GALNT18: variants seen among roughly 807,000 people sequenced by gnomAD.
GALNT18 encodes the protein polypeptide N-acetylgalactosaminyltransferase 18.
In GALNT18, 44 loss-of-function variants were observed where a neutral mutation model predicts 69.5. That is an observed-to-expected ratio of 0.63 (90% CI 0.50 to 0.81). The LOEUF (loss-of-function observed/expected upper bound fraction) is 0.81, where lower values mean the gene tolerates loss of function less well. Ranked by LOEUF, GALNT18 falls within the 40% of genes least tolerant of loss-of-function variation. The pLI is 0.00. For missense variants in GALNT18, 715 were observed against 810.0 expected (o/e 0.88, Z 1.42); for synonymous variants, 364 against 318.2 (o/e 1.14, Z -1.53).
At chr11:11,321,759 T>A (rs576956624) in intron 9 of GALNT18, among the ~76,000 whole-genome samples, 3 of 152,210 alleles carry the variant, frequency 2.0e-5, no homozygotes, top group Middle Eastern at 3.2e-3. Flanking sequence ...TGTGCCAACA[T>A]GCCTGGCTAA....
At chr11:11,575,984 AATTTCGCAGAAGAAACTGGTT>A (rs1858915908) in intron 1 of GALNT18, among the ~76,000 whole-genome samples, 1 of 152,216 alleles carries the variant, frequency 6.6e-6, no homozygotes, top group South Asian at 2.1e-4. Context: ...CCTGATCCCC[AATTTCGCAGAAGAAACTGGTT>A]CAGAGAGGTG....
At chr11:11,443,837 C>T (rs1395432601) in intron 2 of GALNT18, among the ~76,000 whole-genome samples, 1 of 152,226 alleles carries the variant, frequency 6.6e-6, no homozygotes, top group African/African-American at 2.4e-5. Flanking sequence ...GTCTGCCCTA[C>T]TGCTGCTACA....
In GALNT18 at chr11:11,418,790, C is replaced by T. The variant is rs982679988; in HGVS notation, c.595+13831G>A. 2.0e-5 allele frequency among the ~76,000 whole-genome samples: 3 copies of T among 152,256 alleles called. No homozygotes were observed. The South Asian group carries it at 6.2e-4, about 32-fold the overall frequency. On this transcript the variant is annotated intron_variant, in intron 3 of 10. Transcript: ENST00000227756. ...TGAGTCCAGCTAGCAAAGCACTGGA[C>T]CAGGGTTGGTCTCTAGGCATTGCCA...
Position 11,340,885 on chromosome 11 carries a change from C to A in GALNT18, c.1212G>T (p.Arg404Ser). ...LTAHVRRNAL[R>S]VAEVWMDEFK... ...ATTCATCCATCCAGACTTCAGCCAC[C>A]CTGAGAGCGTTCCTGCGGACATGGG... is the stretch of plus-strand genomic sequence containing the variant. The change falls in exon 7 of 11, where the codon AGG (arginine) becomes AGT (serine). Residue 404 changes from arginine to serine, a missense_variant. Transcript: ENST00000227756. The surrounding 1 kb of genome is among the most constrained non-coding windows in gnomAD (Gnocchi z 4.2). The A allele has an allele frequency of 6.2e-7, 1 of 1,614,084 alleles. No homozygotes were observed. Among genetic ancestry groups the A allele is most frequent in the Non-Finnish European group, 8.5e-7 (1 of 1,179,972 alleles).
chr11:11,547,910 C>T (rs1305237918), intron 1 of GALNT18, among the ~76,000 whole-genome samples: 2 of 152,174 alleles, frequency 1.3e-5, no homozygotes, highest in Non-Finnish European at 2.9e-5. Flanking sequence ...GTACCATGCT[C>T]CTTCAAACTG....
intron 3 of GALNT18, among the ~76,000 whole-genome samples, chr11:11,408,994 A>C (rs924908496): frequency 6.6e-6 from 1 of 151,868 alleles, no homozygotes; most frequent in South Asian, 2.1e-4. Context: ...CTAATCACCA[A>C]CTCCTCCAAC....
rs1224416814 is a variant in GALNT18 at position 11,356,967 on chromosome 11, G to A, written c.1092+15548C>T. 2.0e-5 allele frequency among the ~76,000 whole-genome samples: 3 copies of A among 152,022 alleles called. No homozygotes were observed. The highest frequency in any genetic ancestry group is 4.2e-4 in the South Asian group (2 of 4,806). On this transcript the variant is annotated intron_variant, in intron 6 of 10. Coordinates refer to ENST00000227756, the MANE Select transcript of GALNT18 (RefSeq NM_198516.3). This position sits in a 1 kb window ranked among gnomAD's most constrained non-coding sequence, Gnocchi z 4.4. ...TTGTAATTGCAAAGAGTCACTCCACGGCTGGCTGGTGTGCTAGGGGATAAC... is the reference window on the plus strand; with the variant it reads ...TTGTAATTGCAAAGAGTCACTCCACAGCTGGCTGGTGTGCTAGGGGATAAC...
Position 11,604,483 on chromosome 11 carries a change from C to T in GALNT18, c.235+16876G>A, listed in dbSNP as rs1410331343. Among the ~76,000 whole-genome samples the T allele has an allele frequency of 1.3e-5, 2 of 152,160 alleles. No homozygotes were observed. Among genetic ancestry groups the T allele is most frequent in the East Asian group, 3.9e-4 (2 of 5,184 alleles). On this transcript the variant is annotated intron_variant, in intron 1 of 10. Coordinates refer to ENST00000227756, the MANE Select transcript of GALNT18 (RefSeq NM_198516.3). The surrounding 1 kb of genome is among the most constrained non-coding windows in gnomAD (Gnocchi z 5.6). ...CTACATCCAGCCCTAGACACCCAGGCAGCTTCTGGCAACACCAGTAAGAGG... is the reference window on the plus strand; with the variant it reads ...CTACATCCAGCCCTAGACACCCAGGTAGCTTCTGGCAACACCAGTAAGAGG...
Position 11,306,154 on chromosome 11 carries a change from G to A in GALNT18, c.1513-12961C>T, listed in dbSNP as rs192386528. Among the ~76,000 whole-genome samples, 216 of 152,216 alleles carry A rather than the reference G, an allele frequency of 1.4e-3. 1 individual carries two copies. The highest frequency in any genetic ancestry group is 6.8e-3 in the Middle Eastern group (2 of 294). Reference sequence around the variant, plus strand: ...CTTTTTAGCATACAACAGTTATTCTGCACAGCATTAAGCAGAGCTTAGAAT... The same window carrying A: ...CTTTTTAGCATACAACAGTTATTCTACACAGCATTAAGCAGAGCTTAGAAT... On this transcript the variant is annotated intron_variant, in intron 9 of 10. Transcript: ENST00000227756.
intron 6 of GALNT18, among the ~76,000 whole-genome samples, chr11:11,357,470 C>G (rs1850555062): frequency 6.6e-6 from 1 of 152,202 alleles, no homozygotes; most frequent in South Asian, 2.1e-4. Flanking sequence ...CAATCTCCAC[C>G]CACTCCCTCC....
At chr11:11,289,785 G>A (rs531682257) in intron 10 of GALNT18, among the ~76,000 whole-genome samples, 2 of 152,296 alleles carry the variant, frequency 1.3e-5, no homozygotes, top group African/African-American at 2.4e-5. Context: ...AAAGCAGCCT[G>A]GGCTTCAGAT....
At chr11:11,406,557 A>G (rs1167507410) in intron 3 of GALNT18, among the ~76,000 whole-genome samples, 1 of 152,256 alleles carries the variant, frequency 6.6e-6, no homozygotes, top group Non-Finnish European at 1.5e-5. Flanking sequence ...GTACTATTTC[A>G]GCCATGTTGA....
rs149181829 is a variant in GALNT18 at position 11,340,959 on chromosome 11, T to C, written c.1138A>G (p.Ile380Val). Residue 380 changes from isoleucine (I) to valine (V), a missense_variant, in exon 7 of 11, where the codon ATT (isoleucine) becomes GTT (valine). Transcript: ENST00000227756. The surrounding 1 kb of genome is among the most constrained non-coding windows in gnomAD (Gnocchi z 4.2). ...GSVEVLPCSRIAHIERAHKPY... is the reference protein window; with the variant it reads ...GSVEVLPCSRVAHIERAHKPY... ...TTGTGGGCTCGCTCAATGTGGGCAA[T>C]CCGTGAGCAGGGCAGGACCTCCACA... 2.5e-6 allele frequency: 4 copies of C among 1,612,242 alleles called. No homozygotes were observed. The African/African-American group carries it at 5.4e-5, about 22-fold the overall frequency.
chr11:11,534,540 A>G lies in GALNT18; in HGVS notation c.236-85604T>C, dbSNP rs1481820919. ...TCAAGATGCTTAGCCAGCCAGGGAG[A>G]CAGATGAGACAGCAATAGCTGAGCC... is the stretch of plus-strand genomic sequence containing the variant. On this transcript the variant is annotated intron_variant, in intron 1 of 10. Transcript: ENST00000227756. Among the ~76,000 whole-genome samples, 5 of 152,174 alleles carry G rather than the reference A, an allele frequency of 3.3e-5. No homozygotes were observed. In the East Asian group the frequency reaches 9.6e-4, roughly 29 times the overall value.
chr11:11,345,471 C>T (rs1343406648), intron 6 of GALNT18, among the ~76,000 whole-genome samples: 1 of 152,170 alleles, frequency 6.6e-6, no homozygotes. Context: ...GAAAGGAAGT[C>T]ACTGGCATTT....
At chr11:11,407,567 A>G (rs56401410) in intron 3 of GALNT18, among the ~76,000 whole-genome samples, 11,481 of 152,250 alleles carry the variant, frequency 0.075, 532 homozygotes, top group East Asian at 0.14. Flanking sequence ...AGTGTTCTCA[A>G]AGTCAGCTGC....
In GALNT18 at chr11:11,415,966, C is replaced by T. The variant is rs1016349082; in HGVS notation, c.595+16655G>A. ...AAACAGCAACCTTGAATGTTCTTTT[C>T]GGAGAAAATAAAATCACTTCAGCCT... On this transcript the variant is annotated intron_variant, in intron 3 of 10. Transcript: ENST00000227756. This position sits in a 1 kb window ranked among gnomAD's most constrained non-coding sequence, Gnocchi z 4.1. 6.6e-5 allele frequency among the ~76,000 whole-genome samples: 10 copies of T among 152,286 alleles called. No individual in the cohort carries two copies. The highest frequency in any genetic ancestry group is 9.6e-5 in the African/African-American group (4 of 41,554).
rs1458832501 is a variant in GALNT18, at chr11:11,465,796, C to T, written c.236-16860G>A. 1.3e-5 allele frequency among the ~76,000 whole-genome samples: 2 copies of T among 152,128 alleles called. No individual in the cohort carries two copies. The highest frequency in any genetic ancestry group is 1.5e-5 in the Non-Finnish European group (1 of 68,020). On this transcript the variant is annotated intron_variant, in intron 1 of 10. Coordinates refer to ENST00000227756, the MANE Select transcript of GALNT18 (RefSeq NM_198516.3). The surrounding 1 kb of genome is among the most constrained non-coding windows in gnomAD (Gnocchi z 5.7). ...CCCAGGAGGATGTGGAATTACTGCA[C>T]GATATTTATGTAGGGTACTCAGCTA...
At position 11,496,101 on chromosome 11, in the gene GALNT18, G is replaced by A. The variant is rs1856861347; in HGVS notation, c.236-47165C>T. On this transcript the variant is annotated intron_variant, in intron 1 of 10. Coordinates refer to ENST00000227756, the MANE Select transcript of GALNT18 (RefSeq NM_198516.3). This position sits in a 1 kb window ranked among gnomAD's most constrained non-coding sequence, Gnocchi z 4.0. ...TAAGGACACACAGCAAAGAATAAGAGCCAGGAGCTTCTTGTGTGTTTGTTG... is the reference window on the plus strand; with the variant it reads ...TAAGGACACACAGCAAAGAATAAGAACCAGGAGCTTCTTGTGTGTTTGTTG... 6.6e-6 allele frequency among the ~76,000 whole-genome samples: 1 copy of A among 152,214 alleles called. No individual in the cohort carries two copies. The highest frequency in any genetic ancestry group is 2.4e-5 in the African/African-American group (1 of 41,454).
Sources: gnomAD v4.1 joint callset for allele counts (sites outside exome capture counted in the v4.1 genomes callset) on GRCh38, gnomAD v4.1.1 for gene constraint, Gnocchi (gnomAD v3.1) non-coding constraint, MANE v1.5 for transcripts, NCBI Gene and HGNC (gene_info 2026-07-23, HGNC 2026-07-21) for gene names.